ANO5: variants seen among roughly 807,000 people sequenced by gnomAD.
The protein encoded by ANO5 is anoctamin 5.
A neutral mutation model predicts 121.0 loss-of-function variants in ANO5; 109 were observed. That is an observed-to-expected ratio of 0.90 (90% CI 0.77 to 1.06). The LOEUF (loss-of-function observed/expected upper bound fraction) is 1.06. Among genes scored for constraint, ANO5 ranks in the 50% least tolerant of loss-of-function variants. ANO5 has a pLI of 0.00. For synonymous variants in ANO5, 406 were observed against 359.9 expected, an observed-to-expected ratio of 1.13 and a Z score of -1.45; for missense variants, 1,064 against 1,078.5, an observed-to-expected ratio of 0.99 and a Z score of 0.19.
chr11:22,260,535 T>A (rs1854157729), intron 15 of ANO5, among the ~76,000 whole-genome samples: 1 of 152,130 alleles, frequency 6.6e-6, no homozygotes, highest in African/African-American at 2.4e-5. Flanking sequence ...AAATTTGGAG[T>A]TCTCTCCCAT....
intron 8 of ANO5, 35 bp from the exon 9 acceptor site, chr11:22,239,534 C>G (rs769638576): frequency 1.0e-5 from 15 of 1,468,252 alleles, no homozygotes; most frequent in African/African-American, 1.4e-5. Context: ...TCTTTTGCTT[C>G]GTCTTTTATG....
intron 9 of ANO5, among the ~76,000 whole-genome samples, chr11:22,240,620 A>G (rs1227984381): frequency 6.6e-6 from 1 of 152,088 alleles, no homozygotes; most frequent in Non-Finnish European, 1.5e-5. Context: ...AACTGTTTTG[A>G]ATAATAATCA....
At chr11:22,268,570 A>G (rs1418252833) in intron 17 of ANO5, among the ~76,000 whole-genome samples, 2 of 152,224 alleles carry the variant, frequency 1.3e-5, no homozygotes, top group Admixed American at 6.5e-5. Flanking sequence ...CATCACTGTT[A>G]ATAATCACAG....
At chr11:22,247,847 A>G (rs1853675112) in intron 9 of ANO5, among the ~76,000 whole-genome samples, 1 of 152,096 alleles carries the variant, frequency 6.6e-6, no homozygotes, top group South Asian at 2.1e-4. Flanking sequence ...CATCAGCTCT[A>G]TCAGCTCATT....
chr11:22,259,657 C>T lies in ANO5; in HGVS notation c.1546C>T (p.Leu516Phe). ...CCTTACTCCTCAGATAACCACATCACTCACAGGATCATGCTTGAACTTTAT... is the reference window on the plus strand; with the variant it reads ...CCTTACTCCTCAGATAACCACATCATTCACAGGATCATGCTTGAACTTTAT... ...SFLTPQITTS[L>F]TGSCLNFIVI... Residue 516 changes from leucine to phenylalanine, a missense_variant, in exon 15 of 22, where the codon CTC becomes TTC. Transcript: ENST00000324559. The T allele has an allele frequency of 6.2e-7, 1 of 1,614,070 alleles. No homozygotes were observed. The highest frequency in any genetic ancestry group is 8.5e-7 in the Non-Finnish European group (1 of 1,179,962).
chr11:22,217,045 C>A (rs1290136355), intron 3 of ANO5, among the ~76,000 whole-genome samples: 1 of 151,798 alleles, frequency 6.6e-6, no homozygotes, highest in Admixed American at 6.6e-5. Flanking sequence ...ATGTAATGAC[C>A]AACATTTGTC....
chr11:22,209,320 A>T (rs1446163678), intron 2 of ANO5, among the ~76,000 whole-genome samples: 1 of 151,940 alleles, frequency 6.6e-6, no homozygotes, highest in East Asian at 1.9e-4. Flanking sequence ...AGAAAGTAAC[A>T]AACATTAATT....
intron 1 of ANO5, among the ~76,000 whole-genome samples, chr11:22,195,602 T>TC (rs1350439423): frequency 6.6e-6 from 1 of 152,030 alleles, no homozygotes; most frequent in African/African-American, 2.4e-5. Context: ...CAGCTAATTA[T>TC]TATTTTTTTT....
Position 22,250,200 on chromosome 11 carries a change from T to G in ANO5, c.879-37T>G, listed in dbSNP as rs1324230227. The G allele has an allele frequency of 7.2e-6, 11 of 1,535,276 alleles. No homozygotes were observed. The South Asian group carries it at 1.1e-4, about 16-fold the overall frequency. The stretch of plus-strand genomic sequence containing the variant: ...ATCAAGGCTCCAGACTATAACATTC[T>G]TCCATATTCTGATTCTGTTTTTACT... On this transcript the variant is annotated intron_variant, in intron 9 of 21. Transcript: ENST00000324559.
intron 9 of ANO5, among the ~76,000 whole-genome samples, chr11:22,244,884 T>C (rs1853566772): frequency 6.6e-6 from 1 of 152,188 alleles, no homozygotes; most frequent in African/African-American, 2.4e-5. Flanking sequence ...TTTCTGTTGT[T>C]ACCATCTAGT....
intron 15 of ANO5, among the ~76,000 whole-genome samples, 162 bp downstream of exon 15, chr11:22,259,903 G>A (rs1854136589): frequency 6.8e-6 from 1 of 146,960 alleles, no homozygotes; most frequent in Non-Finnish European, 1.5e-5. Flanking sequence ...AATTGCTCAA[G>A]AGCCACCATT....
rs1455142423 is a variant in ANO5 at position 22,236,292 on chromosome 11, A to G, written c.762+16A>G. On this transcript the variant is annotated intron_variant, in intron 8 of 21. Coordinates refer to ENST00000324559, the MANE Select transcript of ANO5 (RefSeq NM_213599.3). ...ACTCCATGATGTATGTATAGGTTTG[A>G]TTGTGAAAATCTGAGCTTATTTTCC... The G allele has an allele frequency of 6.3e-7, 1 of 1,579,716 alleles. No homozygotes were observed. Among genetic ancestry groups the G allele is most frequent in the South Asian group, 1.1e-5 (1 of 90,368 alleles).
intron 1 of ANO5, among the ~76,000 whole-genome samples, chr11:22,199,673 A>G (rs1421240893): frequency 6.6e-6 from 1 of 152,176 alleles, no homozygotes; most frequent in Non-Finnish European, 1.5e-5. Flanking sequence ...CTACTTTAAA[A>G]AAAATCTCTT....
intron 7 of ANO5, among the ~76,000 whole-genome samples, chr11:22,235,500 A>G (rs908835869): frequency 2.0e-5 from 3 of 152,128 alleles, no homozygotes; most frequent in Non-Finnish European, 4.4e-5. Flanking sequence ...AAGGAAAGGT[A>G]GGGGACTATG....
At chr11:22,225,963 G>T in intron 5 of ANO5, 21 bp from the exon 6 acceptor site, 1 of 1,561,082 alleles carries the variant, frequency 6.4e-7, no homozygotes, top group Non-Finnish European at 8.8e-7. Flanking sequence ...GCATAATTCT[G>T]TTGATTTTTT....
At chr11:22,256,792 C>G (rs1205062051) in intron 13 of ANO5, among the ~76,000 whole-genome samples, 1 of 151,990 alleles carries the variant, frequency 6.6e-6, no homozygotes, top group Admixed American at 6.6e-5. Flanking sequence ...TTAAGGACGA[C>G]CAGAACTGTC....
At chr11:22,241,268 C>T (rs1048683286) in intron 9 of ANO5, among the ~76,000 whole-genome samples, 13 of 152,240 alleles carry the variant, frequency 8.5e-5, no homozygotes, top group Non-Finnish European at 1.9e-4. Flanking sequence ...TTTATATATA[C>T]CACGTTTTAT....
intron 9 of ANO5, among the ~76,000 whole-genome samples, chr11:22,249,644 G>A (rs1853734469): frequency 6.6e-6 from 1 of 152,120 alleles, no homozygotes; most frequent in Non-Finnish European, 1.5e-5. Context: ...AAAACCAAGA[G>A]CTAGGCTGCA....
In ANO5 at chr11:22,218,048, G is replaced by A. The variant is rs113995629; in HGVS notation, c.139-198G>A. Among the ~76,000 whole-genome samples, 1,389 of 145,698 alleles carry A rather than the reference G, an allele frequency of 9.5e-3. 20 individuals are homozygous for A. Among genetic ancestry groups the A allele is most frequent in the African/African-American group, 0.033 (1,325 of 40,010 alleles). ...TTGAGTCTCCTTATTTTCTTTACCTGTTTATTGCTTTCTTCCCATTTTTCT... is the reference window on the plus strand; with the variant it reads ...TTGAGTCTCCTTATTTTCTTTACCTATTTATTGCTTTCTTCCCATTTTTCT... On this transcript the variant is annotated intron_variant, in intron 3 of 21. Transcript: ENST00000324559.
Sources: allele counts gnomAD v4.1 joint callset (sites outside exome capture counted in the v4.1 genomes callset), GRCh38; gene constraint gnomAD v4.1.1; transcripts MANE v1.5; gene names NCBI Gene and HGNC (gene_info 2026-07-23, HGNC 2026-07-21).